JAK3: variants seen among roughly 807,000 people sequenced by gnomAD.
JAK3 encodes the protein tyrosine-protein kinase JAK3.
Under a neutral mutation model 120.8 loss-of-function variants are expected in JAK3, and 88 were observed. That is an observed-to-expected ratio of 0.73 (90% CI 0.61 to 0.87). The LOEUF is 0.87. Among genes scored for constraint, JAK3 ranks in the 40% least tolerant of loss-of-function variants. The pLI is 0.00. For missense variants in JAK3, 1,254 were observed against 1,501.4 expected (o/e 0.84, Z 2.72); for synonymous variants, 592 against 628.6 (o/e 0.94, Z 0.87).
chr19:17,835,073 A>G lies in JAK3; in HGVS notation c.2047+10T>C. The G allele has an allele frequency of 6.2e-7, 1 of 1,614,110 alleles. No homozygotes were observed. Among genetic ancestry groups the G allele is most frequent in the Non-Finnish European group, 8.5e-7 (1 of 1,180,016 alleles). On this transcript the variant is annotated intron_variant, in intron 15 of 23. Coordinates refer to ENST00000458235, the MANE Select transcript of JAK3 (RefSeq NM_000215.4). ...CTCAGCCCCTCCCTCCTCCACCTCC[A>G]GGAACTTACTCTCCAGGCTTAACAC...
intron 17 of JAK3, 137 bp downstream of exon 17, chr19:17,834,434 T>TCA: frequency 1.2e-6 from 1 of 830,196 alleles, no homozygotes; most frequent in Non-Finnish European, 2.0e-6. Flanking sequence ...CTGTTGAAGC[T>TCA]CACACTGACT....
intron 23 of JAK3, 170 bp downstream of exon 23, chr19:17,829,938 G>A: frequency 1.5e-6 from 1 of 673,600 alleles, no homozygotes; most frequent in Non-Finnish European, 2.7e-6. Flanking sequence ...CTCTGAAAGT[G>A]CTCTGACTTG....
Position 17,843,546 on chromosome 19 carries a change from G to T in JAK3, c.309-55C>A. The T allele has an allele frequency of 1.5e-6, 2 of 1,317,048 alleles. No individual in the cohort carries two copies. The highest frequency in any genetic ancestry group is 1.2e-5 in the South Asian group (1 of 81,418). 81.6% of individuals were successfully genotyped at this position (1,317,048 alleles called of 1,614,324 possible). ...AAAGTGCAACCCAGCCTCAGTAGGA[G>T]TGACATTATGGTGGGGGCGAGGGAC... On this transcript the variant is annotated intron_variant, in intron 3 of 23. Coordinates refer to ENST00000458235, the MANE Select transcript of JAK3 (RefSeq NM_000215.4). This position sits in a 1 kb window ranked among gnomAD's most constrained non-coding sequence, Gnocchi z 5.4.
intron 9 of JAK3, among the ~76,000 whole-genome samples, chr19:17,840,020 T>C (rs1349901981): frequency 1.3e-5 from 2 of 152,220 alleles, no homozygotes; most frequent in Non-Finnish European, 2.9e-5. Flanking sequence ...ATTACAGGCG[T>C]AAGCCACTGT....
Position 17,842,774 on chromosome 19 carries a change from C to T in JAK3, c.567-164G>A, listed in dbSNP as rs1226959597. The T allele has an allele frequency of 1.6e-5, 14 of 887,602 alleles. No homozygotes were observed. Among genetic ancestry groups the T allele is most frequent in the South Asian group, 1.4e-4 (8 of 58,704 alleles). 55.0% of individuals were successfully genotyped at this position (887,602 alleles called of 1,614,324 possible). A position where few individuals can be genotyped will look rare whatever the true frequency, so the allele number is the denominator to read the frequency against. ...AGGGTCAGGTATGAGGACCGGACCT[C>T]AGAGTAGGGGAGGGCCATTGGCGCC... is the stretch of plus-strand genomic sequence containing the variant. On this transcript the variant is annotated intron_variant, in intron 5 of 23. Coordinates refer to ENST00000458235, the MANE Select transcript of JAK3 (RefSeq NM_000215.4). This position sits in a 1 kb window ranked among gnomAD's most constrained non-coding sequence, Gnocchi z 6.4.
chr19:17,839,617 G>A lies in JAK3; in HGVS notation c.1301C>T (p.Pro434Leu). ...DYKGCLIRRS[P>L]TGTFLLVGLS... ...GCCAACCAGAAGGAAGGTTCCTGTG[G>A]GGCTGCGCCGGATGAGGCAGCCCTT... The change falls in exon 10 of 24, where the codon CCC becomes CTC. Residue 434 changes from proline to leucine, a missense_variant. Pro to Leu is a moderately conservative substitution (Grantham distance 98, BLOSUM62 -3). Around this residue, in one of 3 missense-constraint regions of JAK3, gnomAD observed 486 missense variants for 503.0 expected, o/e 0.97. Coordinates refer to ENST00000458235, the MANE Select transcript of JAK3 (RefSeq NM_000215.4). 1 of 1,612,460 alleles carries A rather than the reference G, an allele frequency of 6.2e-7. No homozygotes were observed. Among genetic ancestry groups the A allele is most frequent in the Non-Finnish European group, 8.5e-7 (1 of 1,179,574 alleles).
rs771028222 is a variant in JAK3 at position 17,831,746 on chromosome 19, G to A, written c.2733C>T (p.Arg911=). The A allele has an allele frequency of 3.7e-6, 6 of 1,612,574 alleles. No homozygotes were observed. The highest frequency in any genetic ancestry group is 1.1e-5 in the South Asian group (1 of 91,064). ...GCGCGCGGTGCCGCTGCAGGAAGTC[G>A]CGCAAGCAGCCGCTGGGCAGGTACT... ...VMEYLPSGCL[R]DFLQRHRARL... Residue 911 remains arginine, a synonymous_variant, in exon 20 of 24, where the codon CGC becomes CGT. Transcript: ENST00000458235. This position sits in a 1 kb window ranked among gnomAD's most constrained non-coding sequence, Gnocchi z 5.1.
In JAK3 at chr19:17,841,364, C is replaced by A. The variant is rs199603781; in HGVS notation, c.1142+25G>T. Reference sequence around the variant, plus strand: ...GAGGGGCCCTGAGTGGCCACAGAGGCCGGGAATGGGGGACAGGTCCTTACG... The same window carrying A: ...GAGGGGCCCTGAGTGGCCACAGAGGACGGGAATGGGGGACAGGTCCTTACG... On this transcript the variant is annotated intron_variant, in intron 8 of 23. Transcript: ENST00000458235. The surrounding 1 kb of genome is among the most constrained non-coding windows in gnomAD (Gnocchi z 4.1). 1.3e-6 allele frequency: 2 copies of A among 1,539,924 alleles called. No individual in the cohort carries two copies. The highest frequency in any genetic ancestry group is 3.9e-5 in the Admixed American group (2 of 50,998).
At chr19:17,839,274 T>A in intron 10 of JAK3, 1 of 687,814 alleles carries the variant, frequency 1.5e-6, no homozygotes, top group East Asian at 2.8e-5. Context: ...GCAGATGACA[T>A]GGCTCACATC....
intron 1 of JAK3, among the ~76,000 whole-genome samples, chr19:17,847,745 T>G (rs1256913372): frequency 6.9e-6 from 1 of 145,308 alleles, no homozygotes. Flanking sequence ...TCTCCCGGCC[T>G]TAGTCAAAGC....
rs748929689 is a variant in JAK3, at chr19:17,831,655, C to T, written c.2805+19G>A. 3 of 1,600,734 alleles carry T rather than the reference C, an allele frequency of 1.9e-6. No homozygotes were observed. The highest frequency in any genetic ancestry group is 1.1e-5 in the South Asian group (1 of 89,498). ...CGTGCCAGCTGAATCCCCACAAGTC[C>T]CGGGGCGCCCCCTCGCACCTTGCAG... On this transcript the variant is annotated intron_variant, in intron 20 of 23. Coordinates refer to ENST00000458235, the MANE Select transcript of JAK3 (RefSeq NM_000215.4). The surrounding 1 kb of genome is among the most constrained non-coding windows in gnomAD (Gnocchi z 5.1).
At chr19:17,847,671 A>AC (rs1379529268) in intron 1 of JAK3, among the ~76,000 whole-genome samples, 1 of 74,162 alleles carries the variant, frequency 1.3e-5, no homozygotes, top group Non-Finnish European at 2.9e-5. Flanking sequence ...CCTCCTCCCC[A>AC]CCCCCAACCC....
rs200112920 is a variant in JAK3, at chr19:17,830,533, G to C, written c.3066C>G (p.Thr1022=). The C allele has an allele frequency of 1.2e-5, 19 of 1,613,638 alleles. No homozygotes were observed. Among genetic ancestry groups the C allele is most frequent in the Non-Finnish European group, 1.4e-5 (17 of 1,179,826 alleles). ...SFGVVLYELF[T]YCDKSCSPSA... ...AGGGGCTGCAGCTTTTGTCGCAGTA[G>C]GTGAAGAGCTCGTACAGGACGACCC... The change falls in exon 22 of 24, where the codon ACC becomes ACG. Residue 1022 remains threonine, a synonymous_variant. Transcript: ENST00000458235.
intron 1 of JAK3, among the ~76,000 whole-genome samples, chr19:17,845,433 G>C (rs890163515): frequency 1.3e-5 from 2 of 152,236 alleles, no homozygotes; most frequent in East Asian, 3.9e-4. Context: ...TGGATTACAT[G>C]TGTGAGCCAC....
intron 2 of JAK3, 105 bp downstream of exon 2, chr19:17,844,129 C>G: frequency 7.5e-7 from 1 of 1,331,248 alleles, no homozygotes; most frequent in Non-Finnish European, 1.0e-6. Context: ...CCCCCAAAGC[C>G]CCAGCTCCGA....
rs2094215586 is a variant in JAK3, at chr19:17,832,091, A to G, written c.2681-293T>C. On this transcript the variant is annotated intron_variant, in intron 19 of 23. Coordinates refer to ENST00000458235, the MANE Select transcript of JAK3 (RefSeq NM_000215.4). This position sits in a 1 kb window ranked among gnomAD's most constrained non-coding sequence, Gnocchi z 4.7. ...AGCCTGGCCAACATGGTGAAAACCC[A>G]TCTCCACTAAAAACACAAAAATTAG... Among the ~76,000 whole-genome samples the G allele has an allele frequency of 6.6e-6, 1 of 152,124 alleles. No individual in the cohort carries two copies. Among genetic ancestry groups the G allele is most frequent in the Non-Finnish European group, 1.5e-5 (1 of 68,016 alleles).
rs569933375 is a variant in JAK3, at chr19:17,840,639, T to C, written c.1143-298A>G. ...ATAGCCGGGCGTGGTGGCGAGCACC[T>C]GTAGTCCCAGCTACTCGGGAGGCTG... On this transcript the variant is annotated intron_variant, in intron 8 of 23. Coordinates refer to ENST00000458235, the MANE Select transcript of JAK3 (RefSeq NM_000215.4). 5.0e-3 allele frequency among the ~76,000 whole-genome samples: 763 copies of C among 151,904 alleles called. 2 individuals are homozygous for C. Among genetic ancestry groups the C allele is most frequent in the Non-Finnish European group, 8.4e-3 (573 of 67,948 alleles).
intron 1 of JAK3, among the ~76,000 whole-genome samples, chr19:17,845,390 A>G (rs2094249836): frequency 6.6e-6 from 1 of 152,102 alleles, no homozygotes; most frequent in South Asian, 2.1e-4. Context: ...TCCTGGCCTC[A>G]AGTGATCAGC....
At position 17,841,497 on chromosome 19, in the gene JAK3, A is replaced by G; in HGVS notation, c.1034T>C (p.Val345Ala). The G allele has an allele frequency of 6.4e-7, 1 of 1,572,412 alleles. No homozygotes were observed. The highest frequency in any genetic ancestry group is 8.6e-7 in the Non-Finnish European group (1 of 1,158,792). Reference sequence around the variant, plus strand: ...CGTGGTCAGCCGGAAGTAGCCGTCCACGAGCGCCACGAACGACAGAGCCTC... The same window carrying G: ...CGTGGTCAGCCGGAAGTAGCCGTCCGCGAGCGCCACGAACGACAGAGCCTC... ...LPEALSFVAL[V>A]DGYFRLTTDS... Residue 345 changes from valine (V) to alanine (A), a missense_variant, in exon 8 of 24, where the codon GTG becomes GCG. Val to Ala is a moderately conservative substitution (Grantham distance 64, BLOSUM62 0). Coordinates refer to ENST00000458235, the MANE Select transcript of JAK3 (RefSeq NM_000215.4). The surrounding 1 kb of genome is among the most constrained non-coding windows in gnomAD (Gnocchi z 4.1).
Sources: gnomAD v4.1 joint callset for allele counts (sites outside exome capture counted in the v4.1 genomes callset) on GRCh38, gnomAD v4.1.1 for gene constraint, gnomAD v4.1.1 regional missense constraint, Gnocchi (gnomAD v3.1) non-coding constraint, MANE v1.5 for transcripts, NCBI Gene and HGNC (gene_info 2026-07-23, HGNC 2026-07-21) for gene names.